The following INPP5A variants were observed in gnomAD, a reference collection of about 807,000 sequenced individuals.
INPP5A encodes the protein 43 kDa inositol polyphosphate 5-phophatase.
In INPP5A, 14 loss-of-function variants were observed where a neutral mutation model predicts 65.2. The observed-to-expected ratio is 0.21, with a 90% CI of 0.14 to 0.34. The LOEUF is 0.34. Among genes scored for constraint, INPP5A ranks in the 10% least tolerant of loss-of-function variants. The pLI, the probability that INPP5A is intolerant of heterozygous loss-of-function variation, is 1.00. For synonymous variants in INPP5A, 207 were observed against 208.3 expected, an observed-to-expected ratio of 0.99 and a Z score of 0.05; for missense variants, 431 against 545.6, an observed-to-expected ratio of 0.79 and a Z score of 2.09.
chr10:132,727,511 G>A lies in INPP5A; in HGVS notation c.732+606G>A, dbSNP rs957237631. On this transcript the variant is annotated intron_variant, in intron 9 of 15. Coordinates refer to ENST00000368594, the MANE Select transcript of INPP5A (RefSeq NM_005539.5). The surrounding 1 kb of genome is among the most constrained non-coding windows in gnomAD (Gnocchi z 6.5). Reference sequence around the variant, plus strand: ...GGCGCCGAGGTGCCACCGACAGGAAGTGGGCCTCTAGGCTCAGTGCAAGGG... The same window carrying A: ...GGCGCCGAGGTGCCACCGACAGGAAATGGGCCTCTAGGCTCAGTGCAAGGG... Among the ~76,000 whole-genome samples, 1 of 151,998 alleles carries A rather than the reference G, an allele frequency of 6.6e-6. No individual in the cohort carries two copies. Among genetic ancestry groups the A allele is most frequent in the African/African-American group, 2.4e-5 (1 of 41,360 alleles).
intron 2 of INPP5A, among the ~76,000 whole-genome samples, chr10:132,624,458 C>T (rs1230242969): frequency 1.3e-5 from 2 of 149,280 alleles, no homozygotes; most frequent in Admixed American, 6.6e-5. Context: ...CACTTCCCAC[C>T]AGCGTGTCTG....
At chr10:132,596,396 A>G (rs1105366) in intron 1 of INPP5A, among the ~76,000 whole-genome samples, 37,429 of 151,368 alleles carry the variant, frequency 0.25, 5,461 homozygotes, top group East Asian at 0.5. Context: ...AGAAGAGGAC[A>G]CCCAAGTGTG....
chr10:132,578,746 A>T (rs1226813510), intron 1 of INPP5A, among the ~76,000 whole-genome samples: 2 of 138,806 alleles, frequency 1.4e-5, no homozygotes, highest in Non-Finnish European at 3.1e-5. Context: ...GCTCCAGGAC[A>T]CCAGGAGAGT....
rs143616226 is a variant in INPP5A, at chr10:132,607,814, T to C, written c.76-101T>C. On this transcript the variant is annotated intron_variant, in intron 1 of 15. Transcript: ENST00000368594. ...ATGCGGGGTGGGCCCGGGCTGCGCC[T>C]CTGCTCCTGCCCCACGTTGTCTTCA... is the stretch of plus-strand genomic sequence containing the variant. 2.4e-4 allele frequency: 290 copies of C among 1,216,970 alleles called. 2 individuals carry two copies. In the East Asian group the frequency reaches 6.7e-3, roughly 28 times the overall value. 75.4% of individuals were successfully genotyped at this position (1,216,970 alleles called of 1,614,324 possible).
At chr10:132,543,256 C>T (rs573524391) in intron 1 of INPP5A, among the ~76,000 whole-genome samples, 1 of 150,544 alleles carries the variant, frequency 6.6e-6, no homozygotes, top group South Asian at 2.1e-4. Context: ...AGCCTCCCCA[C>T]CCCCTGCAGT....
chr10:132,635,067 C>G (rs1253012524), intron 2 of INPP5A, among the ~76,000 whole-genome samples: 1 of 152,266 alleles, frequency 6.6e-6, no homozygotes, highest in Non-Finnish European at 1.5e-5. Flanking sequence ...ATGGCAGCCA[C>G]TGGCCACCTG....
intron 1 of INPP5A, among the ~76,000 whole-genome samples, chr10:132,565,169 G>A (rs574719338): frequency 6.6e-6 from 1 of 152,270 alleles, no homozygotes; most frequent in East Asian, 1.9e-4. Flanking sequence ...GGTGTGCATG[G>A]CATGGTCACG....
intron 11 of INPP5A, among the ~76,000 whole-genome samples, chr10:132,760,892 A>G (rs1249218758): frequency 6.6e-6 from 1 of 152,232 alleles, no homozygotes; most frequent in Non-Finnish European, 1.5e-5. Flanking sequence ...GGGACACAGC[A>G]GGCAGTGTTT....
At chr10:132,596,913 GCATGTGTGCGCGCATGTGC>G (rs1231680118) in intron 1 of INPP5A, among the ~76,000 whole-genome samples, 1 of 43,058 alleles carries the variant, frequency 2.3e-5, no homozygotes, top group East Asian at 1.5e-3. Flanking sequence ...GTGCATGTGT[GCATGTGTGCGCGCATGTGC>G]ACGCATGTGT....
chr10:132,699,882 C>T (rs1005042307), intron 6 of INPP5A, among the ~76,000 whole-genome samples: 12 of 152,158 alleles, frequency 7.9e-5, no homozygotes, highest in African/African-American at 2.9e-4. Flanking sequence ...AGGCCCGGGG[C>T]CCAGACTGAA....
intron 2 of INPP5A, among the ~76,000 whole-genome samples, chr10:132,615,225 G>T (rs565649422): frequency 1.3e-5 from 2 of 152,224 alleles, no homozygotes; most frequent in Admixed American, 6.5e-5. Flanking sequence ...GTGGCGGCCC[G>T]CAGCCCGTGG....
chr10:132,594,801 T>G (rs1444903569), intron 1 of INPP5A, among the ~76,000 whole-genome samples: 2 of 152,152 alleles, frequency 1.3e-5, no homozygotes, highest in Admixed American at 6.5e-5. Context: ...CCTGGAGCTC[T>G]CTGGTAGGCG....
chr10:132,568,504 A>AT (rs2071299327), intron 1 of INPP5A, among the ~76,000 whole-genome samples: 1 of 151,932 alleles, frequency 6.6e-6, no homozygotes, highest in Non-Finnish European at 1.5e-5. Flanking sequence ...GAGGCTGGTA[A>AT]TTGGGAGGCT....
rs1020629361 is a variant in INPP5A, at chr10:132,547,154, C to A, written c.75+8983C>A. ...TGGATGCGGGGCAGGCCCCACCTCTCCTCGCATGTGCGGCCTTGGGCTGTG... is the reference window on the plus strand; with the variant it reads ...TGGATGCGGGGCAGGCCCCACCTCTACTCGCATGTGCGGCCTTGGGCTGTG... On this transcript the variant is annotated intron_variant, in intron 1 of 15. Transcript: ENST00000368594. The surrounding 1 kb of genome is among the most constrained non-coding windows in gnomAD (Gnocchi z 5.5). Among the ~76,000 whole-genome samples the A allele has an allele frequency of 6.6e-6, 1 of 152,238 alleles. No individual in the cohort carries two copies. Among genetic ancestry groups the A allele is most frequent in the Non-Finnish European group, 1.5e-5 (1 of 68,036 alleles).
intron 11 of INPP5A, among the ~76,000 whole-genome samples, chr10:132,755,839 G>A (rs1034679921): frequency 6.6e-6 from 1 of 152,186 alleles, no homozygotes; most frequent in Admixed American, 6.5e-5. Flanking sequence ...CTCTCTTGGA[G>A]ACTGAGGAAG....
intron 11 of INPP5A, among the ~76,000 whole-genome samples, chr10:132,759,597 TC>T (rs1846693774): frequency 1.3e-5 from 2 of 151,536 alleles, no homozygotes; most frequent in African/African-American, 2.4e-5. Context: ...TCAGGGTGTG[TC>T]CCCAGGCACC....
intron 4 of INPP5A, among the ~76,000 whole-genome samples, chr10:132,682,700 G>A (rs80171192): frequency 0.012 from 1,879 of 152,350 alleles, 20 homozygotes; most frequent in Non-Finnish European, 0.022. Flanking sequence ...TTTAATCAGC[G>A]TGTAAACTGT....
chr10:132,754,839 T>C (rs548360764), intron 11 of INPP5A, among the ~76,000 whole-genome samples: 1 of 152,330 alleles, frequency 6.6e-6, no homozygotes, highest in Admixed American at 6.5e-5. Flanking sequence ...TGCCTTGGGG[T>C]TGTTCCTATT....
In INPP5A at chr10:132,710,433, G is replaced by C. The variant is rs2134530703; in HGVS notation, c.624G>C (p.Lys208Asn). ...CCGTGTACTCGGGAATCCGGCACAA[G>C]GCACTGGGCTACGTGCTGGACAGGT... ...SPSVYSGIRH[K>N]ALGYVLDRII... The change falls in exon 8 of 16, where the codon AAG becomes AAC. Residue 208 changes from lysine (K) to asparagine (N), a missense_variant. Lys to Asn is a moderately conservative substitution (Grantham distance 94). Transcript: ENST00000368594. The C allele has an allele frequency of 6.2e-7, 1 of 1,613,924 alleles. No homozygotes were observed. Among genetic ancestry groups the C allele is most frequent in the Middle Eastern group, 1.7e-4 (1 of 5,856 alleles).
Sources: gnomAD v4.1 joint callset for allele counts (sites outside exome capture counted in the v4.1 genomes callset) on GRCh38, gnomAD v4.1.1 for gene constraint, Gnocchi (gnomAD v3.1) non-coding constraint, MANE v1.5 for transcripts, NCBI Gene and HGNC (gene_info 2026-07-23, HGNC 2026-07-21) for gene names.